Variants in TRPM3 observed in about 807,000 individuals in gnomAD.
TRPM3 encodes the protein long transient receptor potential channel 3.
In TRPM3, 77 loss-of-function variants were observed where a neutral mutation model predicts 181.2. That is an observed-to-expected ratio of 0.42 (90% CI 0.35 to 0.51). The LOEUF is 0.51. TRPM3 is among the 20% of genes least tolerant of loss of function. The pLI, the probability that TRPM3 is intolerant of heterozygous loss-of-function variation, is 0.01. For missense variants in TRPM3, 1,759 were observed against 2,196.7 expected (o/e 0.80, Z 3.98); for synonymous variants, 745 against 796.4 (o/e 0.94, Z 1.09).
chr9:70,804,853 C>T (rs1203720591), intron 6 of TRPM3, among the ~76,000 whole-genome samples: 1 of 152,124 alleles, frequency 6.6e-6, no homozygotes, highest in Non-Finnish European at 1.5e-5. Flanking sequence ...TATTTTCTAT[C>T]CCCTCCCCTG....
At chr9:70,805,604 TGGG>T (rs2090517605) in intron 6 of TRPM3, among the ~76,000 whole-genome samples, 1 of 150,708 alleles carries the variant, frequency 6.6e-6, no homozygotes, top group African/African-American at 2.4e-5. Context: ...GTCTTGGAAT[TGGG>T]TTTATTTGAA....
At chr9:70,548,113 G>A (rs1031777380) in intron 25 of TRPM3, among the ~76,000 whole-genome samples, 1 of 152,132 alleles carries the variant, frequency 6.6e-6, no homozygotes, top group Non-Finnish European at 1.5e-5. Flanking sequence ...TTGTAAACAT[G>A]TCTGAGCAAT....
chr9:71,016,235 G>GGT (rs145080356), intron 1 of TRPM3, among the ~76,000 whole-genome samples: 10 of 146,316 alleles, frequency 6.8e-5, no homozygotes, highest in East Asian at 4.0e-4. Flanking sequence ...ATACATGTGT[G>GGT]GTGTGTGTGT....
chr9:70,670,689 T>G (rs552666891), intron 9 of TRPM3, among the ~76,000 whole-genome samples: 1 of 152,300 alleles, frequency 6.6e-6, no homozygotes, highest in East Asian at 1.9e-4. Flanking sequence ...ATGGGGGATA[T>G]CCTAATGCCC....
At chr9:70,936,883 G>C (rs2133485456) in intron 1 of TRPM3, among the ~76,000 whole-genome samples, 2 of 152,258 alleles carry the variant, frequency 1.3e-5, no homozygotes, top group East Asian at 3.9e-4. Flanking sequence ...TCTCTTGTCT[G>C]TCTTCTAGGC....
At chr9:70,745,989 C>T (rs1218825144) in intron 8 of TRPM3, among the ~76,000 whole-genome samples, 1 of 152,178 alleles carries the variant, frequency 6.6e-6, no homozygotes, top group Non-Finnish European at 1.5e-5. Flanking sequence ...ATTGTAGTTA[C>T]AGTTAACAAT....
intron 1 of TRPM3, among the ~76,000 whole-genome samples, chr9:70,900,575 A>G (rs746275816): frequency 6.6e-6 from 1 of 152,240 alleles, no homozygotes; most frequent in South Asian, 2.1e-4. Flanking sequence ...AAAACTAGAC[A>G]GTATTCACAA....
chr9:70,601,424 G>T (rs1025622190), intron 20 of TRPM3, among the ~76,000 whole-genome samples: 4 of 152,150 alleles, frequency 2.6e-5, no homozygotes, highest in Non-Finnish European at 5.9e-5. Context: ...CACATTTCCA[G>T]GATCTTGCGT....
intron 1 of TRPM3, among the ~76,000 whole-genome samples, chr9:71,400,729 G>A (rs1016071340): frequency 2.6e-5 from 4 of 150,952 alleles, no homozygotes; most frequent in African/African-American, 9.7e-5. Flanking sequence ...TATTAATACT[G>A]TACCAAAAGC....
At chr9:70,901,285 C>T (rs1364332410) in intron 1 of TRPM3, among the ~76,000 whole-genome samples, 1 of 152,026 alleles carries the variant, frequency 6.6e-6, no homozygotes, top group Non-Finnish European at 1.5e-5. Context: ...AGATTAATGG[C>T]CTTTTAAGCA....
At chr9:71,051,898 G>A (rs2060100189) in intron 1 of TRPM3, among the ~76,000 whole-genome samples, 1 of 152,046 alleles carries the variant, frequency 6.6e-6, no homozygotes, top group Non-Finnish European at 1.5e-5. Context: ...GGGGTGAAGG[G>A]TGAAGAACAT....
chr9:71,273,267 G>A (rs906352123), intron 1 of TRPM3, among the ~76,000 whole-genome samples: 6 of 152,114 alleles, frequency 3.9e-5, no homozygotes, highest in African/African-American at 1.4e-4. Flanking sequence ...ATTCTTTATC[G>A]GATAGATGTT....
chr9:71,294,523 A>G (rs1604855), intron 1 of TRPM3, among the ~76,000 whole-genome samples: 28,537 of 152,006 alleles, frequency 0.19, 2,728 homozygotes, highest in African/African-American at 0.25. Flanking sequence ...TGTACCACTG[A>G]AGGAAAATGT....
At position 70,925,007 on chromosome 9, in the gene TRPM3, T is replaced by C. The variant is rs1233928985; in HGVS notation, c.178-60496A>G. Among the ~76,000 whole-genome samples, 3 of 152,158 alleles carry C rather than the reference T, an allele frequency of 2.0e-5. No homozygotes were observed. In the East Asian group the frequency reaches 5.8e-4, roughly 29 times the overall value. On this transcript the variant is annotated intron_variant, in intron 1 of 25. Transcript: ENST00000677713. ...GCTCTTTCCACTGAACCGTACACAATTGCCATTTCATAACGTGAATTGCAT... is the reference window on the plus strand; with the variant it reads ...GCTCTTTCCACTGAACCGTACACAACTGCCATTTCATAACGTGAATTGCAT...
At chr9:70,998,958 T>C (rs903370523) in intron 1 of TRPM3, among the ~76,000 whole-genome samples, 21 of 152,340 alleles carry the variant, frequency 1.4e-4, no homozygotes, top group Middle Eastern at 6.8e-3. Context: ...TACAAGGCAC[T>C]GTGATGGAGG....
chr9:70,911,457 A>G (rs2096537043), intron 1 of TRPM3, among the ~76,000 whole-genome samples: 2 of 152,202 alleles, frequency 1.3e-5, no homozygotes, highest in African/African-American at 2.4e-5. Flanking sequence ...TGATAACACC[A>G]AAATGAACCC....
chr9:70,881,732 C>T, intron 1 of TRPM3, among the ~76,000 whole-genome samples: 1 of 152,104 alleles, frequency 6.6e-6, no homozygotes, highest in East Asian at 1.9e-4. Flanking sequence ...TGCTTTTGGC[C>T]ATTTCTGCAT....
chr9:70,910,750 C>A (rs1021021038), intron 1 of TRPM3, among the ~76,000 whole-genome samples: 1 of 152,176 alleles, frequency 6.6e-6, no homozygotes, highest in African/African-American at 2.4e-5. Flanking sequence ...GGGCCAGGCA[C>A]TGCTCTAATC....
chr9:70,536,080 G>A lies in TRPM3; in HGVS notation c.5033C>T (p.Thr1678Ile), dbSNP rs149054351. ...CTGGAAGGGATTTCGCAGGCTTGCT[G>A]TGTTCCGCTGCCTGTCGAGTTTGTC... Reference protein sequence around the residue: ...ISDKLDRQRNTASLRNPFQRS... With the variant: ...ISDKLDRQRNIASLRNPFQRS... Residue 1678 changes from threonine to isoleucine, a missense_variant, in exon 26 of 26, where the codon ACA (threonine) becomes ATA (isoleucine). By Grantham distance (89) the Thr-to-Ile change is moderately conservative. Transcript: ENST00000677713. 11 of 1,614,180 alleles carry A rather than the reference G, an allele frequency of 6.8e-6. No individual in the cohort carries two copies. In the Middle Eastern group the frequency reaches 4.9e-4, roughly 73 times the overall value.
Sources: allele counts gnomAD v4.1 joint callset (sites outside exome capture counted in the v4.1 genomes callset), GRCh38; gene constraint gnomAD v4.1.1; transcripts MANE v1.5; gene names NCBI Gene and HGNC (gene_info 2026-07-23, HGNC 2026-07-21).